The following NECAB1 variants were observed in gnomAD, a reference collection of about 807,000 sequenced individuals.
The protein encoded by NECAB1 is N-terminal EF-hand calcium binding protein 1.
A neutral mutation model predicts 57.5 loss-of-function variants in NECAB1; 29 were observed. That is an observed-to-expected ratio of 0.50 (90% CI 0.38 to 0.69). The LOEUF is 0.69. Ranked by LOEUF, NECAB1 falls within the 30% of genes least tolerant of loss-of-function variation. The pLI is 0.00. For missense variants in NECAB1, 372 were observed against 413.8 expected (o/e 0.90, Z 0.88); for synonymous variants, 142 against 147.7 (o/e 0.96, Z 0.28).
chr8:90,903,239 C>A (rs550702093), intron 5 of NECAB1, among the ~76,000 whole-genome samples: 16 of 151,918 alleles, frequency 1.1e-4, no homozygotes, highest in Non-Finnish European at 5.9e-5. Flanking sequence ...AGTTATACAA[C>A]GACCACTGCA....
intron 2 of NECAB1, among the ~76,000 whole-genome samples, chr8:90,807,805 C>T (rs926963580): frequency 1.3e-5 from 2 of 151,436 alleles, no homozygotes; most frequent in Admixed American, 6.6e-5. Context: ...TACATGCAGA[C>T]ACCTCAACTA....
intron 5 of NECAB1, among the ~76,000 whole-genome samples, chr8:90,916,079 C>T (rs1586120392): frequency 6.6e-6 from 1 of 152,202 alleles, no homozygotes; most frequent in East Asian, 1.9e-4. Flanking sequence ...AAGGACGATA[C>T]TTTGCATCCT....
chr8:90,934,605 G>C (rs767867113), intron 9 of NECAB1, among the ~76,000 whole-genome samples: 1 of 152,080 alleles, frequency 6.6e-6, no homozygotes, highest in Non-Finnish European at 1.5e-5. Context: ...ATAAATCAAT[G>C]AGTTATTGAA....
chr8:90,819,380 G>A (rs972035388), intron 2 of NECAB1, among the ~76,000 whole-genome samples: 10 of 151,958 alleles, frequency 6.6e-5, no homozygotes, highest in Non-Finnish European at 1.0e-4. Flanking sequence ...GTGTGTGAAA[G>A]CCTGGCATGA....
At chr8:90,861,785 G>T (rs1221809189) in intron 3 of NECAB1, among the ~76,000 whole-genome samples, 2 of 152,152 alleles carry the variant, frequency 1.3e-5, no homozygotes, top group African/African-American at 4.8e-5. Context: ...TAAGTAACCT[G>T]CCTAAGATCA....
chr8:90,953,373 A>G (rs1470156077), intron 12 of NECAB1, among the ~76,000 whole-genome samples: 2 of 152,242 alleles, frequency 1.3e-5, no homozygotes, highest in African/African-American at 4.8e-5. Context: ...CTCTCAGAGC[A>G]TTTCCTAATT....
intron 3 of NECAB1, chr8:90,859,341 G>C (rs1563508148): frequency 6.6e-6 from 1 of 152,170 alleles, no homozygotes; most frequent in East Asian, 1.9e-4. Flanking sequence ...TTGAAACAAC[G>C]AGTATTGCTA....
At chr8:90,875,131 A>AC (rs2129856839) in intron 4 of NECAB1, among the ~76,000 whole-genome samples, 1 of 152,322 alleles carries the variant, frequency 6.6e-6, no homozygotes, top group South Asian at 2.1e-4. Flanking sequence ...GACTGTTTTC[A>AC]TAACCTTACT....
chr8:90,875,253 G>A (rs1483205428), intron 4 of NECAB1, among the ~76,000 whole-genome samples: 4 of 150,834 alleles, frequency 2.7e-5, no homozygotes, highest in Non-Finnish European at 4.4e-5. Context: ...AGGCCGAGGC[G>A]GGTGGATCAT....
At position 90,957,095 on chromosome 8, in the gene NECAB1, C is replaced by T. The variant is rs1254162602; in HGVS notation, c.*1583C>T. ...AAAGAACAACATTAATGGAGATGCACAATGATTATTCAAACAAGCTATATA... is the reference window on the plus strand; with the variant it reads ...AAAGAACAACATTAATGGAGATGCATAATGATTATTCAAACAAGCTATATA... On this transcript the variant is annotated 3_prime_UTR_variant, in exon 13 of 13. Transcript: ENST00000417640. 6.6e-6 allele frequency: 1 copy of T among 151,594 alleles called. No individual in the cohort carries two copies. The highest frequency in any genetic ancestry group is 2.4e-5 in the African/African-American group (1 of 41,310). The allele number at this position is 151,594 out of a possible 1,614,324, so 9.4% of individuals were successfully genotyped here.
intron 6 of NECAB1, among the ~76,000 whole-genome samples, chr8:90,919,747 G>A (rs1263668557): frequency 6.6e-6 from 1 of 152,120 alleles, no homozygotes; most frequent in Non-Finnish European, 1.5e-5. Flanking sequence ...AGAAAAATGA[G>A]GCCTCCTGTG....
intron 2 of NECAB1, among the ~76,000 whole-genome samples, chr8:90,805,489 C>T (rs910381787): frequency 2.0e-5 from 3 of 149,234 alleles, no homozygotes; most frequent in African/African-American, 7.5e-5. Flanking sequence ...ATAATGACAT[C>T]TTGGAGAGAT....
chr8:90,806,362 G>T (rs992189049), intron 2 of NECAB1: 2 of 152,170 alleles, frequency 1.3e-5, no homozygotes, highest in Non-Finnish European at 2.9e-5. Flanking sequence ...CAAAATGCCT[G>T]CTGCAACACA....
chr8:90,858,624 G>GAA (rs546425109), intron 3 of NECAB1, among the ~76,000 whole-genome samples: 1 of 137,324 alleles, frequency 7.3e-6, no homozygotes, highest in Non-Finnish European at 1.6e-5. Flanking sequence ...ACAATTTGAA[G>GAA]AAAAAAAAAA....
intron 12 of NECAB1, among the ~76,000 whole-genome samples, chr8:90,952,463 A>T (rs1413831582): frequency 6.6e-6 from 1 of 151,956 alleles, no homozygotes; most frequent in Non-Finnish European, 1.5e-5. Context: ...TGAGTGGGGG[A>T]TGTATAGTGT....
chr8:90,924,143 C>G (rs756528522), intron 6 of NECAB1, among the ~76,000 whole-genome samples: 1 of 152,098 alleles, frequency 6.6e-6, no homozygotes, highest in Non-Finnish European at 1.5e-5. Flanking sequence ...ATCAAGAAAA[C>G]ACTAGATTTT....
At chr8:90,824,398 C>T (rs1563497450) in intron 2 of NECAB1, among the ~76,000 whole-genome samples, 1 of 151,710 alleles carries the variant, frequency 6.6e-6, no homozygotes, top group Non-Finnish European at 1.5e-5. Flanking sequence ...GTGTTGAGCT[C>T]TTTATTTGGT....
intron 3 of NECAB1, among the ~76,000 whole-genome samples, chr8:90,847,437 G>C (rs1812588642): frequency 1.3e-5 from 2 of 152,240 alleles, no homozygotes; most frequent in Admixed American, 1.3e-4. Context: ...CAGGTGCACA[G>C]TGTAAGCTGT....
intron 3 of NECAB1, among the ~76,000 whole-genome samples, chr8:90,839,501 A>G (rs941166296): frequency 6.6e-6 from 1 of 152,220 alleles, no homozygotes; most frequent in African/African-American, 2.4e-5. Flanking sequence ...TAACTTGATT[A>G]ATTATGACAG....
Sources: allele counts gnomAD v4.1 joint callset (sites outside exome capture counted in the v4.1 genomes callset), GRCh38; gene constraint gnomAD v4.1.1; transcripts MANE v1.5; gene names NCBI Gene and HGNC (gene_info 2026-07-23, HGNC 2026-07-21).